Variants in TRAF3IP3 observed in about 807,000 individuals in gnomAD.
TRAF3IP3 encodes TRAF3-interacting JNK-activating modulator.
A neutral mutation model predicts 86.5 loss-of-function variants in TRAF3IP3; 64 were observed. The ratio of observed to expected loss-of-function variants is 0.74; its 90% CI spans 0.60 to 0.91. The LOEUF is 0.91. Ranked by LOEUF, TRAF3IP3 falls within the 40% of genes least tolerant of loss-of-function variation. The pLI is 0.00. For missense variants in TRAF3IP3, 579 were observed against 642.9 expected (o/e 0.90, Z 1.07); for synonymous variants, 220 against 243.9 (o/e 0.90, Z 0.91).
intron 8 of TRAF3IP3, among the ~76,000 whole-genome samples, chr1:209,769,639 C>G (rs1455113650): frequency 1.3e-5 from 2 of 152,220 alleles, no homozygotes; most frequent in Non-Finnish European, 2.9e-5. Context: ...ATACCACTTC[C>G]TGCCTCTCCC....
At chr1:209,770,927 CGT>C (rs1162364794) in intron 8 of TRAF3IP3, among the ~76,000 whole-genome samples, 2 of 76,574 alleles carry the variant, frequency 2.6e-5, no homozygotes, top group East Asian at 9.0e-4. Context: ...TGAAGGTGTG[CGT>C]GTGCAGGTGG....
At position 209,777,519 on chromosome 1, in the gene TRAF3IP3, G is replaced by GGCA. The variant is rs758501732; in HGVS notation, c.1189+35_1189+37dup. On this transcript the variant is annotated intron_variant, in intron 12 of 16. Transcript: ENST00000367025. ...TTCTCCTTGGAGGCCTTGAGTGCATGGCAGCCATGGCCAAGTGAGCTAAGA... is the reference window on the plus strand; with the variant it reads ...TTCTCCTTGGAGGCCTTGAGTGCATGGCAGCAGCCATGGCCAAGTGAGCTAAGA... 31 of 1,550,710 alleles carry GGCA rather than the reference G, an allele frequency of 2.0e-5. No homozygotes were observed. The African/African-American group carries it at 4.3e-4, about 21-fold the overall frequency.
At chr1:209,771,790 T>G (rs1179175840) in intron 8 of TRAF3IP3, among the ~76,000 whole-genome samples, 1 of 130,082 alleles carries the variant, frequency 7.7e-6, no homozygotes, top group African/African-American at 2.8e-5. Context: ...GGTGTGCGTG[T>G]GCATATGCAG....
intron 14 of TRAF3IP3, 118 bp from the exon 15 acceptor site, chr1:209,780,352 C>G (rs958256099): frequency 1.5e-5 from 15 of 973,862 alleles, no homozygotes; most frequent in Admixed American, 2.9e-5. Flanking sequence ...ATCAGTCTAG[C>G]CAAGAGCACG....
Position 209,777,360 on chromosome 1 carries a change from T to C in TRAF3IP3, c.1062T>C (p.Asp354=), listed in dbSNP as rs2077678816. 4 of 1,613,668 alleles carry C rather than the reference T, an allele frequency of 2.5e-6. No homozygotes were observed. Among genetic ancestry groups the C allele is most frequent in the Non-Finnish European group, 3.4e-6 (4 of 1,179,856 alleles). Residue 354 remains aspartate, a synonymous_variant, in exon 12 of 17, where the codon GAT becomes GAC. Transcript: ENST00000367025. ...CTTCCTCCTCCTTACAGGGAGCAGA[T>C]AGCAGGGACTTACAGATGAACCAGG... The part of the protein sequence containing the change: ...HVLQSKLQGA[D]SRDLQMNQAL...
At chr1:209,763,467 T>C in intron 7 of TRAF3IP3, 25 bp from the exon 8 acceptor site, 1 of 1,613,638 alleles carries the variant, frequency 6.2e-7, no homozygotes, top group Non-Finnish European at 8.5e-7. Context: ...TCTTACCCTC[T>C]TGCACTTTGT....
chr1:209,759,835 A>G, intron 2 of TRAF3IP3, 147 bp from the exon 3 acceptor site: 1 of 583,036 alleles, frequency 1.7e-6, no homozygotes, highest in South Asian at 2.2e-5. Flanking sequence ...AAGAGTCCTG[A>G]CTCCCACTTT....
chr1:209,771,890 C>T lies in TRAF3IP3; in HGVS notation c.703-1058C>T, dbSNP rs553153563. ...ACGTGTGCATGTGGAGGTGTGTGCG[C>T]GCATGTGAAGGTGTGTGTGTATATG... On this transcript the variant is annotated intron_variant, in intron 8 of 16. Transcript: ENST00000367025. Among the ~76,000 whole-genome samples the T allele has an allele frequency of 1.3e-4, 15 of 116,354 alleles. No individual in the cohort carries two copies. In the South Asian group the frequency reaches 1.6e-3, roughly 12 times the overall value. 76.3% of individuals were successfully genotyped at this position (116,354 alleles called of 152,430 possible). A position where few individuals can be genotyped will look rare whatever the true frequency, so the allele number is the denominator to read the frequency against.
intron 8 of TRAF3IP3, among the ~76,000 whole-genome samples, chr1:209,765,912 T>C (rs1558013830): frequency 6.6e-6 from 1 of 152,216 alleles, no homozygotes; most frequent in Non-Finnish European, 1.5e-5. Flanking sequence ...ATTCCCAAGT[T>C]TCCTCAGAAT....
chr1:209,770,949 T>A (rs1327845482), intron 8 of TRAF3IP3, among the ~76,000 whole-genome samples: 3 of 142,874 alleles, frequency 2.1e-5, no homozygotes, highest in Non-Finnish European at 4.5e-5. Flanking sequence ...GAGGTGTGCG[T>A]GTGCATGTGG....
At chr1:209,781,063 G>A (rs2077767935) in intron 15 of TRAF3IP3, 4 of 223,660 alleles carry the variant, frequency 1.8e-5, no homozygotes, top group Non-Finnish European at 3.6e-5. Flanking sequence ...TTCATTTTTC[G>A]GTGTCTCTCA....
chr1:209,782,230 C>A lies in TRAF3IP3; in HGVS notation c.*82C>A. 2 of 1,105,994 alleles carry A rather than the reference C, an allele frequency of 1.8e-6. No individual in the cohort carries two copies. Among genetic ancestry groups the A allele is most frequent in the Non-Finnish European group, 2.8e-6 (2 of 722,414 alleles). The allele number at this position is 1,105,994 out of a possible 1,614,324, so 68.5% of individuals were successfully genotyped here. A position where few individuals can be genotyped will look rare whatever the true frequency, so the allele number is the denominator to read the frequency against. ...CTCAGAAGGTTTGGGTACATTACAGCTTGGGTTTTCCAACTGACTTAGGAT... is the reference window on the plus strand; with the variant it reads ...CTCAGAAGGTTTGGGTACATTACAGATTGGGTTTTCCAACTGACTTAGGAT... On this transcript the variant is annotated 3_prime_UTR_variant, in exon 17 of 17. Coordinates refer to ENST00000367025, the MANE Select transcript of TRAF3IP3 (RefSeq NM_025228.4).
intron 8 of TRAF3IP3, among the ~76,000 whole-genome samples, chr1:209,769,439 T>A (rs757430627): frequency 2.0e-5 from 3 of 152,276 alleles, no homozygotes; most frequent in African/African-American, 4.8e-5. Context: ...CCTGACTCTC[T>A]GCTCTCCCTC....
chr1:209,759,921 T>G, intron 2 of TRAF3IP3, 61 bp from the exon 3 acceptor site: 1 of 770,574 alleles, frequency 1.3e-6, no homozygotes. Flanking sequence ...TCTAGGGAGA[T>G]AGTCATTTTT....
rs1400828897 is a variant in TRAF3IP3, at chr1:209,781,400, T to C, written c.1505T>C (p.Leu502Pro). 8 of 1,613,650 alleles carry C rather than the reference T, an allele frequency of 5.0e-6. 1 individual carries two copies. Among genetic ancestry groups the C allele is most frequent in the South Asian group, 3.3e-5 (3 of 91,072 alleles). The change falls in exon 16 of 17, where the codon CTG (leucine) becomes CCG (proline). Residue 502 changes from leucine (L) to proline (P), a missense_variant. By Grantham distance (98) the Leu-to-Pro change is moderately conservative (BLOSUM62 -3). Coordinates refer to ENST00000367025, the MANE Select transcript of TRAF3IP3 (RefSeq NM_025228.4). ...CTCAGTGACGAGTATCTCTCCTGCC[T>C]GCGTAAGCTGCAGCACTGTCGAGAA... ...DNLSDEYLSC[L>P]RKLQHCREEL...
chr1:209,781,705 G>A (rs995348989), intron 16 of TRAF3IP3: 9 of 485,636 alleles, frequency 1.9e-5, no homozygotes, highest in Non-Finnish European at 3.0e-5. Flanking sequence ...AGTATGAAAG[G>A]GTGTTCTTTT....
chr1:209,769,625 C>T (rs1430466014), intron 8 of TRAF3IP3, among the ~76,000 whole-genome samples: 1 of 152,238 alleles, frequency 6.6e-6, no homozygotes, highest in Non-Finnish European at 1.5e-5. Flanking sequence ...ACAGGAGCTG[C>T]GAGATACCAC....
chr1:209,762,644 C>A lies in TRAF3IP3; in HGVS notation c.475C>A (p.Pro159Thr). 1.4e-6 allele frequency: 2 copies of A among 1,384,520 alleles called. No individual in the cohort carries two copies. Among genetic ancestry groups the A allele is most frequent in the Non-Finnish European group, 1.9e-6 (2 of 1,075,424 alleles). The allele number at this position is 1,384,520 out of a possible 1,614,324, so 85.8% of individuals were successfully genotyped here. Reference sequence around the variant, plus strand: ...TCCACAGGACACTCCCATCAAGAAGCCACCCAAACACCACCGTGGTAAGAG... The same window carrying A: ...TCCACAGGACACTCCCATCAAGAAGACACCCAAACACCACCGTGGTAAGAG... ...LPPQDTPIKK[P>T]PKHHRGTQTK... The change falls in exon 4 of 17, where the codon CCA (proline) becomes ACA (threonine). Residue 159 changes from proline (P) to threonine (T), a missense_variant. Transcript: ENST00000367025.
chr1:209,775,176 C>T lies in TRAF3IP3; in HGVS notation c.775-173C>T, dbSNP rs1043931487. On this transcript the variant is annotated intron_variant, in intron 9 of 16. Transcript: ENST00000367025. ...TGTTTATTATGCCCTCCACTCATCT[C>T]TCATTGCCTGAGGGACTCTTCTTGC... is the stretch of plus-strand genomic sequence containing the variant. 1.4e-5 allele frequency: 9 copies of T among 649,378 alleles called. No homozygotes were observed. The African/African-American group carries it at 1.5e-4, about 11-fold the overall frequency. The allele number at this position is 649,378 out of a possible 1,614,324, so 40.2% of individuals were successfully genotyped here.
Sources: gnomAD v4.1 joint callset for allele counts (sites outside exome capture counted in the v4.1 genomes callset) on GRCh38, gnomAD v4.1.1 for gene constraint, MANE v1.5 for transcripts, NCBI Gene and HGNC (gene_info 2026-07-23, HGNC 2026-07-21) for gene names.